The following ZNF107 variants were observed in gnomAD, a reference collection of about 807,000 sequenced individuals.
ZNF107 encodes the protein C2H2 type zinc-finger protein.
In ZNF107, 19 loss-of-function variants were observed where a neutral mutation model predicts 12.3. That is an observed-to-expected ratio of 1.55 (90% CI 1.08 to 2.27). The LOEUF (loss-of-function observed/expected upper bound fraction) is 2.27, where lower values mean the gene tolerates loss of function less well. ZNF107 is among the 30% of genes most tolerant of loss of function. The pLI, the probability that ZNF107 is intolerant of heterozygous loss-of-function variation, is 0.00. For synonymous variants in ZNF107, 317 were observed against 330.5 expected, an observed-to-expected ratio of 0.96 and a Z score of 0.44; for missense variants, 958 against 979.9, an observed-to-expected ratio of 0.98 and a Z score of 0.30.
chr7:64,701,918 T>G (rs980980627), intron 3 of ZNF107, among the ~76,000 whole-genome samples: 2 of 152,156 alleles, frequency 1.3e-5, no homozygotes, highest in African/African-American at 4.8e-5. Context: ...TTAAGTAGTT[T>G]AGTTAATTTA....
intron 1 of ZNF107, among the ~76,000 whole-genome samples, chr7:64,680,387 G>A (rs1379208569): frequency 6.6e-6 from 1 of 152,122 alleles, no homozygotes; most frequent in Non-Finnish European, 1.5e-5. Context: ...AGAATGGGAG[G>A]GTGTTTGGGC....
intron 1 of ZNF107, chr7:64,687,563 G>A: frequency 1.0e-6 from 1 of 985,374 alleles, no homozygotes; most frequent in South Asian, 4.7e-5. Context: ...GAGGCACCTG[G>A]CTTTAAGTTG....
intron 1 of ZNF107, among the ~76,000 whole-genome samples, chr7:64,676,290 T>G (rs879376207): frequency 6.6e-6 from 1 of 152,244 alleles, no homozygotes; most frequent in African/African-American, 2.4e-5. Flanking sequence ...TTGTTTTATT[T>G]CTGATTGTGG....
At chr7:64,694,843 C>T (rs965160508) in intron 3 of ZNF107, among the ~76,000 whole-genome samples, 1 of 151,982 alleles carries the variant, frequency 6.6e-6, no homozygotes, top group Non-Finnish European at 1.5e-5. Context: ...ACATTTAGGG[C>T]AATGTACTAG....
chr7:64,674,452 TTATTTTG>T (rs1789346977), intron 1 of ZNF107, among the ~76,000 whole-genome samples: 1 of 152,214 alleles, frequency 6.6e-6, no homozygotes, highest in Non-Finnish European at 1.5e-5. Context: ...TTTTGTGCAT[TTATTTTG>T]TATTCTGAAA....
chr7:64,692,053 C>T, intron 3 of ZNF107, 93 bp downstream of exon 3: 5 of 875,176 alleles, frequency 5.7e-6, no homozygotes, highest in Non-Finnish European at 7.8e-6. Context: ...ATTTGGGAAG[C>T]TGTGTTCCAA....
intron 1 of ZNF107, among the ~76,000 whole-genome samples, chr7:64,671,766 G>T (rs1789231873): frequency 1.4e-5 from 2 of 147,862 alleles, no homozygotes; most frequent in Admixed American, 6.7e-5. Flanking sequence ...GTATTTTTTT[G>T]ATCCTTTTTG....
In ZNF107 at chr7:64,706,623, AAAG is replaced by A; in HGVS notation, c.529_531del (p.Glu177del). 1 of 1,613,486 alleles carries A rather than the reference AAAG, an allele frequency of 6.2e-7. No homozygotes were observed. Among genetic ancestry groups the A allele is most frequent in the South Asian group, 1.1e-5 (1 of 91,004 alleles). Reference sequence around the variant, plus strand: ...TACAGGAAACAAACACTTCAAATGTAAAGAATGTAGCAAATCATTTTGCGTGCT... The same window carrying A: ...TACAGGAAACAAACACTTCAAATGTAAATGTAGCAAATCATTTTGCGTGCT... On this transcript the variant is annotated inframe_deletion, in exon 4 of 4. Coordinates refer to ENST00000620827, the MANE Select transcript of ZNF107 (RefSeq NM_001282359.2).
chr7:64,701,106 C>T (rs867254344), intron 3 of ZNF107, among the ~76,000 whole-genome samples: 1 of 152,034 alleles, frequency 6.6e-6, no homozygotes, highest in Admixed American at 6.6e-5. Context: ...GGTGAATTAA[C>T]CCATTTTACT....
intron 1 of ZNF107, among the ~76,000 whole-genome samples, chr7:64,667,055 G>A (rs1213848765): frequency 6.6e-6 from 1 of 152,060 alleles, no homozygotes; most frequent in Non-Finnish European, 1.5e-5. Context: ...AAAACCCTGG[G>A]ACTAGAGCCA....
intron 3 of ZNF107, among the ~76,000 whole-genome samples, chr7:64,698,757 A>G (rs893588358): frequency 2.0e-5 from 3 of 152,164 alleles, no homozygotes. Flanking sequence ...TTAAGAAAGT[A>G]ATGCCAAGAC....
At chr7:64,697,134 A>G (rs1437943728) in intron 3 of ZNF107, among the ~76,000 whole-genome samples, 2 of 152,194 alleles carry the variant, frequency 1.3e-5, no homozygotes, top group East Asian at 1.9e-4. Flanking sequence ...ATGTCCCTAC[A>G]AAGGACATGA....
At chr7:64,670,327 G>A (rs7786487) in intron 1 of ZNF107, among the ~76,000 whole-genome samples, 3 of 152,026 alleles carry the variant, frequency 2.0e-5, no homozygotes, top group South Asian at 2.1e-4. Context: ...AGGTCACAGG[G>A]GAATGGCAAA....
chr7:64,705,980 CACTA>C (rs1318503515), intron 3 of ZNF107, among the ~76,000 whole-genome samples: 1 of 147,878 alleles, frequency 6.8e-6, no homozygotes, highest in East Asian at 2.0e-4. Context: ...AAAAAAAAAA[CACTA>C]AGAGTTGGCA....
intron 1 of ZNF107, chr7:64,686,627 C>T (rs1789923667): frequency 2.0e-6 from 2 of 985,424 alleles, no homozygotes; most frequent in Non-Finnish European, 2.4e-6. Flanking sequence ...CCATTAAGAA[C>T]TCTGTGACCA....
At chr7:64,700,841 T>C (rs1052657747) in intron 3 of ZNF107, among the ~76,000 whole-genome samples, 2 of 151,750 alleles carry the variant, frequency 1.3e-5, no homozygotes, top group African/African-American at 4.8e-5. Flanking sequence ...TGCCTGGCCA[T>C]TTTTTTCTTT....
At chr7:64,684,181 G>C (rs1345773844) in intron 1 of ZNF107, among the ~76,000 whole-genome samples, 1 of 152,128 alleles carries the variant, frequency 6.6e-6, no homozygotes, top group African/African-American at 2.4e-5. Flanking sequence ...CTCAGGATCT[G>C]AGCCACCGCC....
At chr7:64,675,837 CA>C (rs912969336) in intron 1 of ZNF107, among the ~76,000 whole-genome samples, 11 of 151,896 alleles carry the variant, frequency 7.2e-5, no homozygotes, top group African/African-American at 2.7e-4. Context: ...TGTTATTTAC[CA>C]AAAAGTCATT....
At chr7:64,685,733 C>T (rs998042148) in intron 1 of ZNF107, among the ~76,000 whole-genome samples, 1 of 152,094 alleles carries the variant, frequency 6.6e-6, no homozygotes, top group African/African-American at 2.4e-5. Flanking sequence ...TTCTGCCTAC[C>T]CAGCCAAGGC....
Sources: allele counts gnomAD v4.1 joint callset (sites outside exome capture counted in the v4.1 genomes callset), GRCh38; gene constraint gnomAD v4.1.1; transcripts MANE v1.5; gene names NCBI Gene and HGNC (gene_info 2026-07-23, HGNC 2026-07-21).